The following KIRREL3 variants were observed in gnomAD, a reference collection of about 807,000 sequenced individuals.
KIRREL3 encodes the protein kin of IRRE-like protein 3.
A neutral mutation model predicts 89.7 loss-of-function variants in KIRREL3; 36 were observed. The ratio of observed to expected loss-of-function variants is 0.40; its 90% CI spans 0.31 to 0.53. KIRREL3 has a LOEUF of 0.53. Ranked by LOEUF, KIRREL3 falls within the 20% of genes least tolerant of loss-of-function variation. KIRREL3 has a pLI of 0.49. For missense variants in KIRREL3, 864 were observed against 1,056.6 expected (o/e 0.82, Z 2.53); for synonymous variants, 445 against 441.4 (o/e 1.01, Z -0.10).
rs773777421 is a variant in KIRREL3 at position 126,564,846 on chromosome 11, G to C, written c.56-1934C>G. ...GAGCTCCCTGGAACAATAGCCTCTC[G>C]AGGGAGACTGTATTGAAACCTCAAC... On this transcript the variant is annotated intron_variant, in intron 1 of 16. Coordinates refer to ENST00000525144, the MANE Select transcript of KIRREL3 (RefSeq NM_032531.4). The surrounding 1 kb of genome is among the most constrained non-coding windows in gnomAD (Gnocchi z 7.4). Among the ~76,000 whole-genome samples, 11 of 152,224 alleles carry C rather than the reference G, an allele frequency of 7.2e-5. No homozygotes were observed. The highest frequency in any genetic ancestry group is 1.5e-4 in the Non-Finnish European group (10 of 68,042).
At chr11:126,958,295 C>G (rs1813904701) in intron 1 of KIRREL3, among the ~76,000 whole-genome samples, 2 of 152,178 alleles carry the variant, frequency 1.3e-5, no homozygotes, top group African/African-American at 4.8e-5. Flanking sequence ...CCCAGAGGAG[C>G]CCAGATCCTA....
chr11:126,592,637 G>A (rs1942193991), intron 1 of KIRREL3, among the ~76,000 whole-genome samples: 1 of 152,240 alleles, frequency 6.6e-6, no homozygotes, highest in Non-Finnish European at 1.5e-5. Flanking sequence ...CACTCTGCAT[G>A]CCTGCTGTGC....
chr11:126,577,802 C>A (rs969572373), intron 1 of KIRREL3, among the ~76,000 whole-genome samples: 1 of 151,836 alleles, frequency 6.6e-6, no homozygotes, highest in Non-Finnish European at 1.5e-5. Context: ...TTTCTCTGGT[C>A]TAGACGTCAT....
chr11:126,770,302 C>T (rs1949978886), intron 1 of KIRREL3, among the ~76,000 whole-genome samples: 1 of 152,140 alleles, frequency 6.6e-6, no homozygotes, highest in African/African-American at 2.4e-5. Context: ...TTCACCCTGA[C>T]CTATAGACAC....
In KIRREL3 at chr11:126,719,005, T is replaced by G. The variant is rs1948071609; in HGVS notation, c.56-156093A>C. On this transcript the variant is annotated intron_variant, in intron 1 of 16. Transcript: ENST00000525144. The surrounding 1 kb of genome is among the most constrained non-coding windows in gnomAD (Gnocchi z 4.7). The stretch of plus-strand genomic sequence containing the variant: ...TTTAATCATCTTCTTACAAATATGC[T>G]GTAATATCTCTAACTTTTTTAAAAT... 6.6e-6 allele frequency among the ~76,000 whole-genome samples: 1 copy of G among 152,236 alleles called. No homozygotes were observed. The highest frequency in any genetic ancestry group is 2.4e-5 in the African/African-American group (1 of 41,452).
At chr11:126,921,436 TA>T (rs1947279945) in intron 1 of KIRREL3, among the ~76,000 whole-genome samples, 2 of 152,146 alleles carry the variant, frequency 1.3e-5, no homozygotes, top group Non-Finnish European at 1.5e-5. Flanking sequence ...TCTATCTATC[TA>T]TCTATCTATC....
At chr11:126,633,395 G>C (rs1376555317) in intron 1 of KIRREL3, among the ~76,000 whole-genome samples, 1 of 152,142 alleles carries the variant, frequency 6.6e-6, no homozygotes, top group African/African-American at 2.4e-5. Context: ...AGTGTTAGAG[G>C]TGGGGGCTGG....
chr11:126,706,328 A>G (rs188335907), intron 1 of KIRREL3, among the ~76,000 whole-genome samples: 2 of 152,304 alleles, frequency 1.3e-5, no homozygotes, highest in East Asian at 3.9e-4. Flanking sequence ...AATTAATACC[A>G]CACTTAATAG....
intron 2 of KIRREL3, among the ~76,000 whole-genome samples, chr11:126,529,304 C>T (rs1367314816): frequency 5.9e-5 from 9 of 152,194 alleles, no homozygotes; most frequent in East Asian, 5.8e-4. Flanking sequence ...AGGAAGGCAA[C>T]GCTGGGAAGG....
chr11:126,620,186 A>AT lies in KIRREL3; in HGVS notation c.56-57275_56-57274insA, dbSNP rs1943519333. Among the ~76,000 whole-genome samples the AT allele has an allele frequency of 6.9e-6, 1 of 144,494 alleles. No homozygotes were observed. Among genetic ancestry groups the AT allele is most frequent in the Non-Finnish European group, 1.5e-5 (1 of 65,024 alleles). 94.8% of individuals were successfully genotyped at this position (144,494 alleles called of 152,430 possible). ...ACAAGGCTACTTTCTTCCTTCTTAA[A>AT]ATTTTTCCAATCAGCTATTATAGTT... On this transcript the variant is annotated intron_variant, in intron 1 of 16. Transcript: ENST00000525144. This position sits in a 1 kb window ranked among gnomAD's most constrained non-coding sequence, Gnocchi z 4.8.
At chr11:126,573,837 A>G (rs1420629304) in intron 1 of KIRREL3, among the ~76,000 whole-genome samples, 7 of 152,134 alleles carry the variant, frequency 4.6e-5, no homozygotes, top group Non-Finnish European at 7.4e-5. Context: ...CAGAGACCAC[A>G]GGGTGGCAGC....
Position 126,574,467 on chromosome 11 carries a change from G to A in KIRREL3, c.56-11555C>T, listed in dbSNP as rs1565563313. 6.6e-6 allele frequency among the ~76,000 whole-genome samples: 1 copy of A among 152,312 alleles called. No homozygotes were observed. The highest frequency in any genetic ancestry group is 2.4e-5 in the African/African-American group (1 of 41,570). ...CAAACAGGTCCAGGGGAGCGATTCT[G>A]AGCCACCAGCCATCACTCAATAAGA... On this transcript the variant is annotated intron_variant, in intron 1 of 16. Coordinates refer to ENST00000525144, the MANE Select transcript of KIRREL3 (RefSeq NM_032531.4). The surrounding 1 kb of genome is among the most constrained non-coding windows in gnomAD (Gnocchi z 5.3).
At position 126,561,021 on chromosome 11, in the gene KIRREL3, C is replaced by A. The variant is rs1258135015; in HGVS notation, c.133+1814G>T. ...TATAAATATAAAACAGCTCCGCATGCTTTCTGATGCCTTTCTTATCTGCAG... is the reference window on the plus strand; with the variant it reads ...TATAAATATAAAACAGCTCCGCATGATTTCTGATGCCTTTCTTATCTGCAG... On this transcript the variant is annotated intron_variant, in intron 2 of 16. Transcript: ENST00000525144. This position sits in a 1 kb window ranked among gnomAD's most constrained non-coding sequence, Gnocchi z 4.5. Among the ~76,000 whole-genome samples, 1 of 152,206 alleles carries A rather than the reference C, an allele frequency of 6.6e-6. No individual in the cohort carries two copies. The highest frequency in any genetic ancestry group is 1.5e-5 in the Non-Finnish European group (1 of 68,048).
intron 4 of KIRREL3, among the ~76,000 whole-genome samples, chr11:126,505,320 A>G (rs2134379752): frequency 6.6e-6 from 1 of 152,384 alleles, no homozygotes; most frequent in South Asian, 2.1e-4. Context: ...TTGTAATTCC[A>G]GCACTCTGGG....
At chr11:126,442,691 G>T (rs528243302) in intron 10 of KIRREL3, among the ~76,000 whole-genome samples, 3 of 152,336 alleles carry the variant, frequency 2.0e-5, no homozygotes, top group South Asian at 2.1e-4. Context: ...TCCACTGGGC[G>T]TCCCCCCTCC....
At position 126,736,175 on chromosome 11, in the gene KIRREL3, C is replaced by T. The variant is rs1948792750; in HGVS notation, c.56-173263G>A. 2.0e-5 allele frequency among the ~76,000 whole-genome samples: 3 copies of T among 152,204 alleles called. No individual in the cohort carries two copies. Among genetic ancestry groups the T allele is most frequent in the Non-Finnish European group, 4.4e-5 (3 of 68,034 alleles). ...CACAAGAGGGATTGTCTAGAGAGAACAGATGGTCTGGTTTACTTTCAATTG... is the reference window on the plus strand; with the variant it reads ...CACAAGAGGGATTGTCTAGAGAGAATAGATGGTCTGGTTTACTTTCAATTG... On this transcript the variant is annotated intron_variant, in intron 1 of 16. Transcript: ENST00000525144. The surrounding 1 kb of genome is among the most constrained non-coding windows in gnomAD (Gnocchi z 5.0).
At chr11:126,986,358 A>AT (rs140261996) in intron 1 of KIRREL3, among the ~76,000 whole-genome samples, 1 of 152,112 alleles carries the variant, frequency 6.6e-6, no homozygotes, top group Non-Finnish European at 1.5e-5. Context: ...GACCTTGAAT[A>AT]TTTTTTTAAA....
In KIRREL3 at chr11:126,946,044, C is replaced by G. The variant is rs1039199017; in HGVS notation, c.55+54411G>C. ...GCTCCATCTGAGCCCCTTAAAATCT[C>G]AGAGACTGAGCTGGGTGTTTTAGAA... On this transcript the variant is annotated intron_variant, in intron 1 of 16. Coordinates refer to ENST00000525144, the MANE Select transcript of KIRREL3 (RefSeq NM_032531.4). The surrounding 1 kb of genome is among the most constrained non-coding windows in gnomAD (Gnocchi z 4.1). Among the ~76,000 whole-genome samples the G allele has an allele frequency of 6.6e-6, 1 of 152,156 alleles. No homozygotes were observed. The highest frequency in any genetic ancestry group is 2.4e-5 in the African/African-American group (1 of 41,432).
chr11:126,448,579 G>A (rs1955914375), intron 8 of KIRREL3, among the ~76,000 whole-genome samples: 2 of 152,164 alleles, frequency 1.3e-5, no homozygotes, highest in African/African-American at 4.8e-5. Flanking sequence ...CAGGGGCAGG[G>A]GTTAGATCAT....
Sources: allele counts gnomAD v4.1 joint callset (sites outside exome capture counted in the v4.1 genomes callset), GRCh38; gene constraint gnomAD v4.1.1; non-coding constraint Gnocchi (gnomAD v3.1); transcripts MANE v1.5; gene names NCBI Gene and HGNC (gene_info 2026-07-23, HGNC 2026-07-21).